EDIL3: variants seen among roughly 807,000 people sequenced by gnomAD.
The protein encoded by EDIL3 is EGF like and discoidin domains 3.
In EDIL3, 37 loss-of-function variants were observed where a neutral mutation model predicts 67.4. The observed-to-expected ratio is 0.55, with a 90% CI of 0.42 to 0.72. EDIL3 has a LOEUF of 0.72. Among genes scored for constraint, EDIL3 ranks in the 30% least tolerant of loss-of-function variants. The pLI, the probability that EDIL3 is intolerant of heterozygous loss-of-function variation, is 0.00. For missense variants in EDIL3, 527 were observed against 586.3 expected, an observed-to-expected ratio of 0.90 and a Z score of 1.04; for synonymous variants, 195 against 196.3, an observed-to-expected ratio of 0.99 and a Z score of 0.05.
intron 1 of EDIL3, among the ~76,000 whole-genome samples, chr5:84,301,391 T>C (rs1163939026): frequency 6.6e-6 from 1 of 151,876 alleles, no homozygotes; most frequent in Non-Finnish European, 1.5e-5. Flanking sequence ...CTATAAAAGA[T>C]AGTTATTATG....
At chr5:84,277,705 A>T (rs994306206) in intron 1 of EDIL3, among the ~76,000 whole-genome samples, 2 of 152,168 alleles carry the variant, frequency 1.3e-5, no homozygotes, top group African/African-American at 4.8e-5. Flanking sequence ...CTTATCATAG[A>T]CATATATTTT....
chr5:84,075,781 G>A (rs1746842294), intron 6 of EDIL3, among the ~76,000 whole-genome samples: 2 of 151,660 alleles, frequency 1.3e-5, no homozygotes, highest in South Asian at 4.2e-4. Flanking sequence ...GGCCCACAGG[G>A]GCTTATTACT....
chr5:84,085,765 A>G (rs553895795), intron 6 of EDIL3, among the ~76,000 whole-genome samples: 1 of 152,290 alleles, frequency 6.6e-6, no homozygotes, highest in Admixed American at 6.5e-5. Context: ...CAGGCAGGAA[A>G]GATTAAGTCC....
chr5:84,031,912 T>C (rs1434139384), intron 9 of EDIL3, among the ~76,000 whole-genome samples: 2 of 152,178 alleles, frequency 1.3e-5, no homozygotes, highest in African/African-American at 4.8e-5. Flanking sequence ...CAGAATCTCG[T>C]TGAAGGCTCC....
intron 5 of EDIL3, among the ~76,000 whole-genome samples, chr5:84,135,808 C>T (rs1047464251): frequency 1.3e-5 from 2 of 152,058 alleles, no homozygotes; most frequent in African/African-American, 4.8e-5. Context: ...TCCTCAATTA[C>T]TTTAAGCTTA....
intron 1 of EDIL3, among the ~76,000 whole-genome samples, chr5:84,352,026 T>C (rs1203572902): frequency 6.6e-6 from 1 of 151,784 alleles, no homozygotes; most frequent in Non-Finnish European, 1.5e-5. Context: ...GTAACAAATA[T>C]ATGAAAAAAT....
chr5:84,113,413 C>A (rs189822328), intron 5 of EDIL3, among the ~76,000 whole-genome samples: 311 of 152,304 alleles, frequency 2.0e-3, no homozygotes, highest in Non-Finnish European at 3.7e-3. Flanking sequence ...TGACCTGACA[C>A]CCTGCTGTTC....
intron 9 of EDIL3, among the ~76,000 whole-genome samples, chr5:83,997,851 A>C (rs751674559): frequency 6.6e-6 from 1 of 152,124 alleles, no homozygotes; most frequent in Non-Finnish European, 1.5e-5. Flanking sequence ...TGATTGTGGG[A>C]CTGTGCATTG....
At chr5:84,243,942 T>C (rs1368167105) in intron 2 of EDIL3, among the ~76,000 whole-genome samples, 1 of 152,226 alleles carries the variant, frequency 6.6e-6, no homozygotes, top group Non-Finnish European at 1.5e-5. Context: ...ATATGGATTA[T>C]GGAATTTTCT....
In EDIL3 at chr5:84,017,113, G is replaced by A. The variant is rs187117004; in HGVS notation, c.1137+43187C>T. Among the ~76,000 whole-genome samples the A allele has an allele frequency of 2.1e-3, 325 of 152,298 alleles. 2 individuals are homozygous for A. The South Asian group carries it at 0.022, about 10-fold the overall frequency. ...AACGTTTTTAATGAAGATCAATGCA[G>A]AAAGTGCTTAATAAATCTTTCTGTT... On this transcript the variant is annotated intron_variant, in intron 9 of 10. Coordinates refer to ENST00000296591, the MANE Select transcript of EDIL3 (RefSeq NM_005711.5).
At chr5:84,030,273 CAT>C (rs1248015658) in intron 9 of EDIL3, among the ~76,000 whole-genome samples, 3 of 152,306 alleles carry the variant, frequency 2.0e-5, no homozygotes, top group Admixed American at 1.3e-4. Flanking sequence ...TATAATTACA[CAT>C]ATCTTTGTGT....
chr5:83,967,220 T>C (rs944511824), intron 9 of EDIL3, among the ~76,000 whole-genome samples: 12 of 151,496 alleles, frequency 7.9e-5, no homozygotes, highest in Admixed American at 1.3e-4. Context: ...ACTTGGGAGG[T>C]TGAGGTGGCA....
intron 1 of EDIL3, among the ~76,000 whole-genome samples, chr5:84,292,404 C>T (rs1745942089): frequency 1.3e-5 from 2 of 152,060 alleles, no homozygotes; most frequent in African/African-American, 2.4e-5. Context: ...GACATAGTGT[C>T]CCGGAGCCAG....
intron 9 of EDIL3, among the ~76,000 whole-genome samples, chr5:84,018,624 T>C (rs1033641856): frequency 1.3e-5 from 2 of 152,166 alleles, no homozygotes; most frequent in African/African-American, 4.8e-5. Context: ...GTTGGAGCAA[T>C]CAATTAGGAA....
intron 1 of EDIL3, among the ~76,000 whole-genome samples, chr5:84,311,439 G>A (rs961475886): frequency 2.7e-5 from 4 of 150,646 alleles, no homozygotes; most frequent in African/African-American, 4.9e-5. Context: ...GAAGAAAAGC[G>A]AGATCATTAT....
chr5:84,182,135 T>C (rs1447805980), intron 3 of EDIL3, among the ~76,000 whole-genome samples: 2 of 151,912 alleles, frequency 1.3e-5, no homozygotes, highest in Non-Finnish European at 1.5e-5. Flanking sequence ...AAGCCACTAA[T>C]AAAAACAAGA....
intron 3 of EDIL3, among the ~76,000 whole-genome samples, chr5:84,208,835 GA>G (rs1318215155): frequency 7.9e-5 from 12 of 151,416 alleles, no homozygotes; most frequent in Admixed American, 2.0e-4. Flanking sequence ...CAGGGATCTA[GA>G]ACTAGAAATA....
intron 1 of EDIL3, among the ~76,000 whole-genome samples, chr5:84,254,727 CT>C (rs891326511): frequency 3.3e-5 from 5 of 152,172 alleles, no homozygotes; most frequent in Non-Finnish European, 5.9e-5. Context: ...TACTTCCTCT[CT>C]TGGAGTGCTG....
intron 6 of EDIL3, among the ~76,000 whole-genome samples, chr5:84,100,878 AT>A (rs1747351535): frequency 6.6e-6 from 1 of 152,156 alleles, no homozygotes; most frequent in African/African-American, 2.4e-5. Context: ...ATGCTATTCC[AT>A]TTAAATTGTT....
Sources: gnomAD v4.1 joint callset for allele counts (sites outside exome capture counted in the v4.1 genomes callset) on GRCh38, gnomAD v4.1.1 for gene constraint, MANE v1.5 for transcripts, NCBI Gene and HGNC (gene_info 2026-07-23, HGNC 2026-07-21) for gene names.